Variants in KRABD2 observed in about 807,000 individuals in gnomAD.
KRABD2 encodes the protein KRAB domain-containing protein 2.
the KRABD2 span, chr17:8,369,161 T>G: frequency 1.2e-6 from 2 of 1,613,922 alleles, no homozygotes; most frequent in Non-Finnish European, 1.7e-6. Context: ...CGGAAGTCCC[T>G]TGTGAGGTGC....
the KRABD2 span, among the ~76,000 whole-genome samples, chr17:8,362,598 CATTT>C: frequency 6.6e-6 from 1 of 152,200 alleles, no homozygotes; most frequent in Non-Finnish European, 1.5e-5. The surrounding 1 kb of genome is among the most constrained non-coding windows in gnomAD (Gnocchi z 4.2). Context: ...CAACAACATT[CATTT>C]ATTTTGCACA....
At chr17:8,369,660 G>A in the KRABD2 span, 1 of 1,614,094 alleles carries the variant, frequency 6.2e-7, no homozygotes, top group Non-Finnish European at 8.5e-7. Context: ...CACACTGGGT[G>A]TACCAAGAAT....
At chr17:8,365,259 G>A in the KRABD2 span, among the ~76,000 whole-genome samples, 1 of 152,172 alleles carries the variant, frequency 6.6e-6, no homozygotes, top group Non-Finnish European at 1.5e-5. Context: ...GGGAAAGCAA[G>A]CAGTGTTATG....
chr17:8,360,960 T>C, the KRABD2 span, among the ~76,000 whole-genome samples: 1 of 152,216 alleles, frequency 6.6e-6, no homozygotes, highest in East Asian at 1.9e-4. Context: ...AAGTCTGAGC[T>C]TCTCGGTTGC....
At chr17:8,371,504 A>G in the KRABD2 span, 1 of 1,606,152 alleles carries the variant, frequency 6.2e-7, no homozygotes, top group Non-Finnish European at 8.5e-7. Flanking sequence ...ACTGGGGAAG[A>G]GACAAGAGAG....
At chr17:8,374,065 G>A in the KRABD2 span, among the ~76,000 whole-genome samples, 1 of 146,244 alleles carries the variant, frequency 6.8e-6, no homozygotes. Flanking sequence ...CCGCCCGGCC[G>A]GCCGCCCCGT....
chr17:8,375,638 C>A, the KRABD2 span: 27,458 of 152,884 alleles, frequency 0.18, 3,140 homozygotes, highest in African/African-American at 0.33. Context: ...CCTACCGCAG[C>A]CTCCCAAGTA....
chr17:8,363,859 A>ATT, the KRABD2 span, among the ~76,000 whole-genome samples: 229 of 74,952 alleles, frequency 3.1e-3, no homozygotes, highest in South Asian at 0.011. Flanking sequence ...ATATATATAT[A>ATT]TATTTATTTA....
At chr17:8,363,825 T>TATATCATA in the KRABD2 span, among the ~76,000 whole-genome samples, 132 of 74,018 alleles carry the variant, frequency 1.8e-3, no homozygotes, top group African/African-American at 6.3e-3. Flanking sequence ...CATATATATA[T>TATATCATA]CATACATATA....
chr17:8,363,826 CATACATATATATAT>C, the KRABD2 span, among the ~76,000 whole-genome samples: 1 of 54,180 alleles, frequency 1.8e-5, no homozygotes, highest in Non-Finnish European at 3.0e-5. Flanking sequence ...ATATATATAT[CATACATATATATAT>C]ATATATATAT....
the KRABD2 span, chr17:8,376,489 C>G: frequency 9.9e-7 from 1 of 1,005,964 alleles, no homozygotes; most frequent in Non-Finnish European, 1.2e-6. Context: ...GCTGGGATGT[C>G]GCCTCCTTTG....
the KRABD2 span, among the ~76,000 whole-genome samples, chr17:8,366,822 A>C: frequency 0.011 from 1,636 of 152,104 alleles, 31 homozygotes; most frequent in African/African-American, 0.037. Context: ...CCTAGGTTCA[A>C]GGGATCTTCC....
At chr17:8,358,976 A>G in the KRABD2 span, among the ~76,000 whole-genome samples, 2 of 152,196 alleles carry the variant, frequency 1.3e-5, no homozygotes, top group African/African-American at 4.8e-5. Context: ...AATGATGCTC[A>G]TTGTAATAAA....
the KRABD2 span, chr17:8,371,438 G>A: frequency 6.2e-7 from 1 of 1,614,162 alleles, no homozygotes; most frequent in Admixed American, 1.7e-5. Flanking sequence ...AACATTGGCT[G>A]CTGCCACAGG....
chr17:8,371,972 A>G, the KRABD2 span: 1 of 987,928 alleles, frequency 1.0e-6, no homozygotes, highest in Non-Finnish European at 1.2e-6. Flanking sequence ...CAGGATGGTG[A>G]TGAGGCCAGG....
At chr17:8,371,465 G>C in the KRABD2 span, 2 of 1,613,756 alleles carry the variant, frequency 1.2e-6, no homozygotes, top group Non-Finnish European at 1.7e-6. Flanking sequence ...ATAGTCTTGG[G>C]GCCTGGGCTA....
the KRABD2 span, chr17:8,376,385 T>G: frequency 8.6e-7 from 1 of 1,166,350 alleles, no homozygotes; most frequent in Non-Finnish European, 1.1e-6. Flanking sequence ...TCGATTGCTA[T>G]GAAGATTCAA....
chr17:8,361,120 A>G, the KRABD2 span, among the ~76,000 whole-genome samples: 1 of 152,178 alleles, frequency 6.6e-6, no homozygotes, highest in African/African-American at 2.4e-5. Context: ...TCCACAATAT[A>G]AGGCCAAAGC....
the KRABD2 span, chr17:8,376,261 G>A: frequency 1.6e-6 from 2 of 1,229,516 alleles, no homozygotes; most frequent in East Asian, 3.2e-5. Flanking sequence ...GTACGGCCGA[G>A]TCTACGCTTG....
Sources: gnomAD v4.1 joint callset for allele counts (sites outside exome capture counted in the v4.1 genomes callset) on GRCh38, gnomAD v4.1.1 for gene constraint, Gnocchi (gnomAD v3.1) non-coding constraint, MANE v1.5 for transcripts, NCBI Gene and HGNC (gene_info 2026-07-23, HGNC 2026-07-21) for gene names.